HSBP1: variants seen among roughly 807,000 people sequenced by gnomAD.
The protein encoded by HSBP1 is heat shock factor-binding protein 1.
Under a neutral mutation model 9.6 loss-of-function variants are expected in HSBP1, and 5 were observed. The observed-to-expected ratio is 0.52, with a 90% CI of 0.27 to 1.09. The LOEUF (loss-of-function observed/expected upper bound fraction) is 1.09, where lower values mean the gene tolerates loss of function less well. Among genes scored for constraint, HSBP1 ranks in the 50% least tolerant of loss-of-function variants. The pLI is 0.11. For synonymous variants in HSBP1, 42 were observed against 33.3 expected (o/e 1.26, Z -0.90); for missense variants, 121 against 96.3 (o/e 1.26, Z -1.07).
At position 83,816,614 on chromosome 16, in the gene HSBP1, T is replaced by C. The variant is rs946214680; in HGVS notation, c.*5196T>C. On this transcript the variant is annotated 3_prime_UTR_variant, in exon 4 of 4. Transcript: ENST00000433866. ...CATGATAGGTTGAGCCATGTGGTTC[T>C]TGTTTTTTTGTTGTCACAACTCAGG... 6.6e-6 allele frequency: 1 copy of C among 152,180 alleles called. No individual in the cohort carries two copies. The highest frequency in any genetic ancestry group is 2.4e-5 in the African/African-American group (1 of 41,436). 9.4% of individuals were successfully genotyped at this position (152,180 alleles called of 1,614,324 possible).
rs994906598 is a variant in HSBP1 at position 83,812,310 on chromosome 16, A to G, written c.*892A>G. The stretch of plus-strand genomic sequence containing the variant: ...TTGCTTGGCTAGAATATGATCAACG[A>G]CTTGTAGTAGACTCAAGTTTTTAAA... On this transcript the variant is annotated 3_prime_UTR_variant, in exon 4 of 4. Transcript: ENST00000433866. 4 of 152,450 alleles carry G rather than the reference A, an allele frequency of 2.6e-5. No homozygotes were observed. Among genetic ancestry groups the G allele is most frequent in the African/African-American group, 9.7e-5 (4 of 41,448 alleles). 9.4% of individuals were successfully genotyped at this position (152,450 alleles called of 1,614,324 possible).
chr16:83,808,003 C>T lies in HSBP1; in HGVS notation c.-74C>T, dbSNP rs1385232796. On this transcript the variant is annotated 5_prime_UTR_variant, in exon 1 of 4. Transcript: ENST00000433866. ...AGTCTCGTCGCGAGAAGCAGCGGCCCGGGGCGACTGAGCGGACAAACGGAA... is the reference window on the plus strand; with the variant it reads ...AGTCTCGTCGCGAGAAGCAGCGGCCTGGGGCGACTGAGCGGACAAACGGAA... 13 of 1,349,558 alleles carry T rather than the reference C, an allele frequency of 9.6e-6. No homozygotes were observed. Among genetic ancestry groups the T allele is most frequent in the Admixed American group, 2.5e-5 (1 of 40,464 alleles). The allele number at this position is 1,349,558 out of a possible 1,614,324, so 83.6% of individuals were successfully genotyped here.
chr16:83,817,575 T>G lies in HSBP1; in HGVS notation c.*6157T>G, dbSNP rs965626636. ...CTAATCAGCCTTCAAAACCTCCATT[T>G]GTAAACCATTGCTGTAGTTTTATTA... On this transcript the variant is annotated 3_prime_UTR_variant, in exon 4 of 4. Transcript: ENST00000433866. 1 of 152,246 alleles carries G rather than the reference T, an allele frequency of 6.6e-6. No homozygotes were observed. Among genetic ancestry groups the G allele is most frequent in the Non-Finnish European group, 1.5e-5 (1 of 68,050 alleles). 9.4% of individuals were successfully genotyped at this position (152,246 alleles called of 1,614,324 possible).
chr16:83,813,389 G>C lies in HSBP1; in HGVS notation c.*1971G>C, dbSNP rs1486087919. On this transcript the variant is annotated 3_prime_UTR_variant, in exon 4 of 4. Coordinates refer to ENST00000433866, the MANE Select transcript of HSBP1 (RefSeq NM_001537.4). Reference sequence around the variant, plus strand: ...CTAGTTTTCGAGGTCTCGCTCTGTTGCCCAGGCTGGAGTGCAGTGGCACAG... The same window carrying C: ...CTAGTTTTCGAGGTCTCGCTCTGTTCCCCAGGCTGGAGTGCAGTGGCACAG... 1 of 152,634 alleles carries C rather than the reference G, an allele frequency of 6.6e-6. No individual in the cohort carries two copies. The highest frequency in any genetic ancestry group is 1.5e-5 in the Non-Finnish European group (1 of 68,356). The allele number at this position is 152,634 out of a possible 1,614,324, so 9.5% of individuals were successfully genotyped here.
intron 1 of HSBP1, 90 bp downstream of exon 1, chr16:83,808,211 C>G (rs1361320766): frequency 1.8e-6 from 2 of 1,128,492 alleles, no homozygotes; most frequent in Admixed American, 3.2e-5. Context: ...CCACCGCGGC[C>G]GCGCGTGGCG....
In HSBP1 at chr16:83,815,971, A is replaced by G. The variant is rs1904710759; in HGVS notation, c.*4553A>G. Reference sequence around the variant, plus strand: ...GAATAGTCTGGATTCAGGATCCAGCAGCTTAGAAGCGTTTAGCTACCAATA... The same window carrying G: ...GAATAGTCTGGATTCAGGATCCAGCGGCTTAGAAGCGTTTAGCTACCAATA... On this transcript the variant is annotated 3_prime_UTR_variant, in exon 4 of 4. Coordinates refer to ENST00000433866, the MANE Select transcript of HSBP1 (RefSeq NM_001537.4). The G allele has an allele frequency of 6.6e-6, 1 of 152,238 alleles. No individual in the cohort carries two copies. The highest frequency in any genetic ancestry group is 2.4e-5 in the African/African-American group (1 of 41,468). 9.4% of individuals were successfully genotyped at this position (152,238 alleles called of 1,614,324 possible).
chr16:83,810,827 G>T (rs923457719), intron 3 of HSBP1, among the ~76,000 whole-genome samples: 1 of 152,094 alleles, frequency 6.6e-6, no homozygotes, highest in Admixed American at 6.6e-5. Context: ...AAAATAAAAT[G>T]GTTCCTGAGT....
rs138479228 is a variant in HSBP1, at chr16:83,808,598, G to C, written c.46-82G>C. The C allele has an allele frequency of 1.2e-4, 133 of 1,120,390 alleles. No homozygotes were observed. In the East Asian group the frequency reaches 2.0e-3, roughly 17 times the overall value. The allele number at this position is 1,120,390 out of a possible 1,614,324, so 69.4% of individuals were successfully genotyped here. ...GAGGCAGAAATGGGGCTGGAACCCC[G>C]GGACCAGGGCTTGCGTCCTGATCCC... On this transcript the variant is annotated intron_variant, in intron 1 of 3. Coordinates refer to ENST00000433866, the MANE Select transcript of HSBP1 (RefSeq NM_001537.4).
At position 83,808,027 on chromosome 16, in the gene HSBP1, A is replaced by G. The variant is rs1047323605; in HGVS notation, c.-50A>G. ...CCGGGGCGACTGAGCGGACAAACGG[A>G]AGTGTAGGTTACGGTCTGAGACATC... On this transcript the variant is annotated 5_prime_UTR_variant, in exon 1 of 4. Coordinates refer to ENST00000433866, the MANE Select transcript of HSBP1 (RefSeq NM_001537.4). 1.4e-6 allele frequency: 2 copies of G among 1,474,686 alleles called. No homozygotes were observed. Among genetic ancestry groups the G allele is most frequent in the African/African-American group, 2.9e-5 (2 of 67,866 alleles). 91.4% of individuals were successfully genotyped at this position (1,474,686 alleles called of 1,614,324 possible).
rs1904627294 is a variant in HSBP1 at position 83,812,680 on chromosome 16, G to A, written c.*1262G>A. 1 of 152,198 alleles carries A rather than the reference G, an allele frequency of 6.6e-6. No individual in the cohort carries two copies. Among genetic ancestry groups the A allele is most frequent in the African/African-American group, 2.4e-5 (1 of 41,444 alleles). The allele number at this position is 152,198 out of a possible 1,614,324, so 9.4% of individuals were successfully genotyped here. The stretch of plus-strand genomic sequence containing the variant: ...ACATAAAGGAGTGAGATCCTTCTGT[G>A]ATAAAATGAATTCACCACTCTGGTT... On this transcript the variant is annotated 3_prime_UTR_variant, in exon 4 of 4. Transcript: ENST00000433866.
intron 3 of HSBP1, among the ~76,000 whole-genome samples, chr16:83,809,875 CTG>C (rs764633520): frequency 6.6e-6 from 1 of 152,086 alleles, no homozygotes; most frequent in Non-Finnish European, 1.5e-5. Flanking sequence ...GCAAGCATCA[CTG>C]TATTGTTTAC....
chr16:83,810,724 A>T (rs1238859351), intron 3 of HSBP1, among the ~76,000 whole-genome samples: 1 of 151,750 alleles, frequency 6.6e-6, no homozygotes, highest in Non-Finnish European at 1.5e-5. Context: ...GCTACTTGGC[A>T]GACTGAGACA....
Position 83,818,507 on chromosome 16 carries a change from C to T in HSBP1, c.*7089C>T, listed in dbSNP as rs1413965066. The T allele has an allele frequency of 6.6e-6, 1 of 152,226 alleles. No homozygotes were observed. The highest frequency in any genetic ancestry group is 1.5e-5 in the Non-Finnish European group (1 of 68,044). The allele number at this position is 152,226 out of a possible 1,614,324, so 9.4% of individuals were successfully genotyped here. On this transcript the variant is annotated 3_prime_UTR_variant, in exon 4 of 4. Coordinates refer to ENST00000433866, the MANE Select transcript of HSBP1 (RefSeq NM_001537.4). ...AAGTTACCGTTTAGCAAGTTCAGAACTTGAAGAATCCCTTTTATCCTAACG... is the reference window on the plus strand; with the variant it reads ...AAGTTACCGTTTAGCAAGTTCAGAATTTGAAGAATCCCTTTTATCCTAACG...
Position 83,809,400 on chromosome 16 carries a change from A to G in HSBP1, c.208A>G (p.Ile70Val). The G allele has an allele frequency of 3.1e-6, 5 of 1,596,972 alleles. No individual in the cohort carries two copies. The highest frequency in any genetic ancestry group is 2.6e-6 in the Non-Finnish European group (3 of 1,170,716). ...GVEELESENK[I>V]PATQKS Reference sequence around the variant, plus strand: ...GGAAGAACTGGAAAGTGAAAACAAGATACCTGCCACGCAAAAGAGTTGAAG... The same window carrying G: ...GGAAGAACTGGAAAGTGAAAACAAGGTACCTGCCACGCAAAAGAGTTGAAG... The change falls in exon 3 of 4, where the codon ATA becomes GTA. Residue 70 changes from isoleucine (I) to valine (V), a missense_variant. Coordinates refer to ENST00000433866, the MANE Select transcript of HSBP1 (RefSeq NM_001537.4).
intron 1 of HSBP1, 135 bp downstream of exon 1, chr16:83,808,256 C>A: frequency 1.3e-6 from 1 of 771,020 alleles, no homozygotes; most frequent in South Asian, 1.8e-5. Flanking sequence ...GCGTCTCTGG[C>A]CGAGGCTCCC....
rs552617819 is a variant in HSBP1, at chr16:83,815,593, G to C, written c.*4175G>C. On this transcript the variant is annotated 3_prime_UTR_variant, in exon 4 of 4. Coordinates refer to ENST00000433866, the MANE Select transcript of HSBP1 (RefSeq NM_001537.4). ...CTAAGAGGTGGCTGGAAGCTCCTCA[G>C]ACCGCTGCCTAGGGTTCGAGTGATC... The C allele has an allele frequency of 6.6e-6, 1 of 151,922 alleles. No homozygotes were observed. Among genetic ancestry groups the C allele is most frequent in the East Asian group, 1.9e-4 (1 of 5,162 alleles). The allele number at this position is 151,922 out of a possible 1,614,324, so 9.4% of individuals were successfully genotyped here.
intron 3 of HSBP1, among the ~76,000 whole-genome samples, chr16:83,809,858 G>A (rs1053987086): frequency 4.6e-5 from 7 of 152,112 alleles, no homozygotes; most frequent in Non-Finnish European, 8.8e-5. Context: ...TCCCAGCCAT[G>A]ATCCCAGCAA....
rs1904679366 is a variant in HSBP1, at chr16:83,814,692, A to G, written c.*3274A>G. 1 of 152,286 alleles carries G rather than the reference A, an allele frequency of 6.6e-6. No homozygotes were observed. Among genetic ancestry groups the G allele is most frequent in the South Asian group, 2.1e-4 (1 of 4,836 alleles). 9.4% of individuals were successfully genotyped at this position (152,286 alleles called of 1,614,324 possible). A position where few individuals can be genotyped will look rare whatever the true frequency, so the allele number is the denominator to read the frequency against. On this transcript the variant is annotated 3_prime_UTR_variant, in exon 4 of 4. Coordinates refer to ENST00000433866, the MANE Select transcript of HSBP1 (RefSeq NM_001537.4). ...ATTAAACATGACCTAAAATTAAGTA[A>G]TAAACACACTGGATGTGAGTTTTTA...
Position 83,814,012 on chromosome 16 carries a change from A to T in HSBP1, c.*2594A>T, listed in dbSNP as rs1023769326. On this transcript the variant is annotated 3_prime_UTR_variant, in exon 4 of 4. Transcript: ENST00000433866. ...AGCCCCACACACACACACTTAGAGC[A>T]CTGTTGCTATGGGAACATAGAGTCC... 11 of 145,652 alleles carry T rather than the reference A, an allele frequency of 7.6e-5. No homozygotes were observed. Among genetic ancestry groups the T allele is most frequent in the Admixed American group, 4.8e-4 (7 of 14,468 alleles). The allele number at this position is 145,652 out of a possible 1,614,324, so 9.0% of individuals were successfully genotyped here. A position where few individuals can be genotyped will look rare whatever the true frequency, so the allele number is the denominator to read the frequency against.
Sources: allele counts gnomAD v4.1 joint callset (sites outside exome capture counted in the v4.1 genomes callset), GRCh38; gene constraint gnomAD v4.1.1; transcripts MANE v1.5; gene names NCBI Gene and HGNC (gene_info 2026-07-23, HGNC 2026-07-21).